UBE3A: variants seen among roughly 807,000 people sequenced by gnomAD.
The protein encoded by UBE3A is ubiquitin-protein ligase E3A.
In UBE3A, 6 loss-of-function variants were observed where a neutral mutation model predicts 83.4. The ratio of observed to expected loss-of-function variants is 0.07; its 90% confidence interval spans 0.04 to 0.14. The LOEUF (loss-of-function observed/expected upper bound fraction) is 0.14. UBE3A is among the 10% of genes least tolerant of loss of function. The pLI, the probability that UBE3A is intolerant of heterozygous loss-of-function variation, is 1.00. For synonymous variants in UBE3A, 337 were observed against 355.4 expected, an observed-to-expected ratio of 0.95 and a Z score of 0.58; for missense variants, 456 against 1,036.1, an observed-to-expected ratio of 0.44 and a Z score of 7.69.
chr15:25,414,566 G>C (rs186555082), intron 1 of UBE3A, among the ~76,000 whole-genome samples: 482 of 152,266 alleles, frequency 3.2e-3, no homozygotes, highest in Non-Finnish European at 5.0e-3. Context: ...CTTTATGAGG[G>C]ACAAGCAAGA....
At chr15:25,380,280 C>T (rs569158326) in intron 4 of UBE3A, among the ~76,000 whole-genome samples, 13 of 151,916 alleles carry the variant, frequency 8.6e-5, no homozygotes, top group African/African-American at 2.4e-4. Flanking sequence ...TTATCAGCAG[C>T]GTGAAAAAGG....
At chr15:25,339,331 AT>A in intron 12 of UBE3A, 74 bp from the exon 13 acceptor site, 1 of 1,563,524 alleles carries the variant, frequency 6.4e-7, no homozygotes, top group South Asian at 1.1e-5. Context: ...AAATGCTCCT[AT>A]TTTTAGATTG....
At chr15:25,376,441 G>T (rs921169318) in intron 4 of UBE3A, among the ~76,000 whole-genome samples, 1 of 152,036 alleles carries the variant, frequency 6.6e-6, no homozygotes, top group Non-Finnish European at 1.5e-5. Context: ...GAGCCCAGGA[G>T]GTCAACACCA....
At position 25,370,704 on chromosome 15, in the gene UBE3A, T is replaced by C. The variant is rs1351170751; in HGVS notation, c.1470A>G (p.Leu490=). 6.2e-7 allele frequency: 1 copy of C among 1,614,130 alleles called. No homozygotes were observed. The highest frequency in any genetic ancestry group is 1.7e-5 in the Admixed American group (1 of 60,030). The part of the protein sequence containing the change: ...ILNAVTKNLG[L]YYDNRIRMYS... ...ACATGCGAATTCTATTGTCATAATATAATCCCAAATTCTTTGTGACAGCAT... is the reference window on the plus strand; with the variant it reads ...ACATGCGAATTCTATTGTCATAATACAATCCCAAATTCTTTGTGACAGCAT... The change falls in exon 6 of 13, where the codon TTA becomes TTG. Residue 490 remains leucine, a synonymous_variant. Coordinates refer to ENST00000648336, the MANE Select transcript of UBE3A (RefSeq NM_130839.5). This position sits in a 1 kb window ranked among gnomAD's most constrained non-coding sequence, Gnocchi z 4.2.
intron 1 of UBE3A, among the ~76,000 whole-genome samples, chr15:25,420,310 T>G (rs928868429): frequency 9.9e-5 from 15 of 152,106 alleles, no homozygotes; most frequent in African/African-American, 3.6e-4. Context: ...CTAACAGTCC[T>G]AAATGTGAAC....
chr15:25,344,078 A>G (rs1050201637), intron 11 of UBE3A, among the ~76,000 whole-genome samples: 1 of 152,224 alleles, frequency 6.6e-6, no homozygotes, highest in Non-Finnish European at 1.5e-5. Flanking sequence ...ACATGCATCT[A>G]CCATTTGATG....
At chr15:25,430,100 TTA>T (rs1232082230) in intron 1 of UBE3A, among the ~76,000 whole-genome samples, 11 of 90,456 alleles carry the variant, frequency 1.2e-4, no homozygotes, top group Admixed American at 4.2e-4. Flanking sequence ...TATATATATA[TTA>T]TATATATAAT....
chr15:25,397,463 A>G (rs1850515208), intron 4 of UBE3A, among the ~76,000 whole-genome samples: 1 of 152,162 alleles, frequency 6.6e-6, no homozygotes, highest in Non-Finnish European at 1.5e-5. Flanking sequence ...AAAGATCTCT[A>G]GAAACCCAGA....
intron 1 of UBE3A, among the ~76,000 whole-genome samples, chr15:25,413,659 A>AT (rs2090394363): frequency 6.6e-6 from 1 of 152,092 alleles, no homozygotes; most frequent in Non-Finnish European, 1.5e-5. Flanking sequence ...TCAGAGTACC[A>AT]TTTCTTTATC....
intron 1 of UBE3A, among the ~76,000 whole-genome samples, chr15:25,427,674 C>T (rs952493468): frequency 7.5e-5 from 11 of 146,766 alleles, no homozygotes; most frequent in Admixed American, 7.5e-4. Context: ...GCCTGCAGTC[C>T]CAGCTACTTG....
intron 4 of UBE3A, among the ~76,000 whole-genome samples, chr15:25,398,816 A>ATATATATATATATATATAT (rs1567069211): frequency 6.6e-4 from 27 of 40,798 alleles, no homozygotes; most frequent in East Asian, 2.3e-3. Flanking sequence ...TATATATATA[A>ATATATATATATATATATAT]AAATACATAT....
intron 6 of UBE3A, among the ~76,000 whole-genome samples, chr15:25,360,945 G>A (rs2077971638): frequency 6.6e-6 from 1 of 152,078 alleles, no homozygotes; most frequent in South Asian, 2.1e-4. Flanking sequence ...TTAAGTCTTA[G>A]TATCTACTAA....
chr15:25,395,126 A>C (rs1036495164), intron 4 of UBE3A, among the ~76,000 whole-genome samples: 1 of 152,174 alleles, frequency 6.6e-6, no homozygotes, highest in African/African-American at 2.4e-5. Context: ...CACAGACAAT[A>C]GTTACAAGCC....
At chr15:25,413,593 TAAATACTGCTTTC>T (rs1369816548) in intron 1 of UBE3A, among the ~76,000 whole-genome samples, 1 of 152,194 alleles carries the variant, frequency 6.6e-6, no homozygotes, top group East Asian at 1.9e-4. Flanking sequence ...TAAAAAGTTT[TAAATACTGCTTTC>T]AAATAATACT....
rs2080134248 is a variant in UBE3A at position 25,370,423 on chromosome 15, TATA to T, written c.1608+140_1608+142del. ...TAAACTTGCACAGGAACAACAAAAG[TATA>T]ATACTTATATAAGATCAGAAATGTC... On this transcript the variant is annotated intron_variant, in intron 6 of 12. Coordinates refer to ENST00000648336, the MANE Select transcript of UBE3A (RefSeq NM_130839.5). This position sits in a 1 kb window ranked among gnomAD's most constrained non-coding sequence, Gnocchi z 4.2. 1 of 993,420 alleles carries T rather than the reference TATA, an allele frequency of 1.0e-6. No individual in the cohort carries two copies. Among genetic ancestry groups the T allele is most frequent in the Non-Finnish European group, 1.6e-6 (1 of 641,302 alleles). The allele number at this position is 993,420 out of a possible 1,614,324, so 61.5% of individuals were successfully genotyped here. A position where few individuals can be genotyped will look rare whatever the true frequency, so the allele number is the denominator to read the frequency against.
Position 25,343,018 on chromosome 15 carries a change from G to C in UBE3A, c.2355-2790C>G, listed in dbSNP as rs140230447. On this transcript the variant is annotated intron_variant, in intron 11 of 12. Transcript: ENST00000648336. ...GGGTGGAAGCAGCTAATGAAAAAGA[G>C]TCTTCATTAAGCTACATGGAGCTGA... Among the ~76,000 whole-genome samples the C allele has an allele frequency of 4.0e-3, 609 of 152,188 alleles. 8 individuals are homozygous for C. The highest frequency in any genetic ancestry group is 0.014 in the African/African-American group (586 of 41,454).
intron 6 of UBE3A, among the ~76,000 whole-genome samples, chr15:25,367,249 G>A (rs200395104): frequency 0.11 from 5,433 of 47,294 alleles, 92 homozygotes; most frequent in Middle Eastern, 0.18. Flanking sequence ...GTAAATATTT[G>A]CATATTTGTA....
At chr15:25,378,403 C>T (rs1004871747) in intron 4 of UBE3A, among the ~76,000 whole-genome samples, 4 of 152,100 alleles carry the variant, frequency 2.6e-5, no homozygotes, top group Non-Finnish European at 5.9e-5. Context: ...TTATGAGTCC[C>T]TTCAGTTCTA....
At chr15:25,437,603 C>A (rs191159292) in intron 1 of UBE3A, among the ~76,000 whole-genome samples, 2 of 152,208 alleles carry the variant, frequency 1.3e-5, no homozygotes, top group East Asian at 3.9e-4. Flanking sequence ...TCAACAGCAC[C>A]CTCGCCACTT....
Sources: gnomAD v4.1 joint callset for allele counts (sites outside exome capture counted in the v4.1 genomes callset) on GRCh38, gnomAD v4.1.1 for gene constraint, Gnocchi (gnomAD v3.1) non-coding constraint, MANE v1.5 for transcripts, NCBI Gene and HGNC (gene_info 2026-07-23, HGNC 2026-07-21) for gene names.